The following TTC21A variants were observed in gnomAD, a reference collection of about 807,000 sequenced individuals.
TTC21A encodes the protein tetratricopeptide repeat domain 21A, also known as tetratricopeptide repeat protein 21A.
In TTC21A, 128 loss-of-function variants were observed where a neutral mutation model predicts 156.4. The observed-to-expected ratio is 0.82, with a 90% CI of 0.71 to 0.95. The LOEUF is 0.95. TTC21A is among the 40% of genes least tolerant of loss of function. The pLI, the probability that TTC21A is intolerant of heterozygous loss-of-function variation, is 0.00. For synonymous variants in TTC21A, 587 were observed against 617.1 expected (o/e 0.95, Z 0.72); for missense variants, 1,435 against 1,602.3 (o/e 0.90, Z 1.78).
Position 39,134,559 on chromosome 3 carries a change from G to T in TTC21A, c.2862+231G>T. On this transcript the variant is annotated intron_variant, in intron 21 of 28. Transcript: ENST00000683103. The surrounding 1 kb of genome is among the most constrained non-coding windows in gnomAD (Gnocchi z 4.6). Reference sequence around the variant, plus strand: ...CAATCTCCTGGGCCAGTCTAAGGTGGGGTGAGGTTGATTCACCCCAGGGGA... The same window carrying T: ...CAATCTCCTGGGCCAGTCTAAGGTGTGGTGAGGTTGATTCACCCCAGGGGA... 1.6e-6 allele frequency: 1 copy of T among 617,152 alleles called. No individual in the cohort carries two copies. Among genetic ancestry groups the T allele is most frequent in the Non-Finnish European group, 3.0e-6 (1 of 337,014 alleles). The allele number at this position is 617,152 out of a possible 1,614,324, so 38.2% of individuals were successfully genotyped here. A position where few individuals can be genotyped will look rare whatever the true frequency, so the allele number is the denominator to read the frequency against.
At chr3:39,138,466 C>T in intron 27 of TTC21A, 79 bp downstream of exon 27, 1 of 1,613,482 alleles carries the variant, frequency 6.2e-7, no homozygotes, top group Non-Finnish European at 8.5e-7. Context: ...GACCCCAGAA[C>T]TCAAGGCCTG....
At chr3:39,124,929 T>C (rs1200480218) in intron 9 of TTC21A, 134 bp from the exon 10 acceptor site, 2 of 672,384 alleles carry the variant, frequency 3.0e-6, no homozygotes, top group Non-Finnish European at 5.4e-6. Context: ...CTCTTTAAGT[T>C]TGTAGAAATG....
chr3:39,111,584 G>A (rs576172538), intron 4 of TTC21A, among the ~76,000 whole-genome samples: 4 of 152,258 alleles, frequency 2.6e-5, no homozygotes, highest in African/African-American at 9.6e-5. Flanking sequence ...CTCAGTCTAG[G>A]CCATGCCTTC....
chr3:39,132,096 AC>A (rs1575552257), intron 19 of TTC21A, among the ~76,000 whole-genome samples: 1 of 152,040 alleles, frequency 6.6e-6, no homozygotes, highest in Admixed American at 6.6e-5. Flanking sequence ...GAGTCTATAA[AC>A]CTGCACAGCA....
At chr3:39,126,862 A>G (rs2038309511) in intron 12 of TTC21A, among the ~76,000 whole-genome samples, 1 of 152,174 alleles carries the variant, frequency 6.6e-6, no homozygotes, top group Non-Finnish European at 1.5e-5. Flanking sequence ...AAATTCCCTC[A>G]TGGAGCTTGC....
chr3:39,133,302 C>T (rs2038876840), intron 20 of TTC21A, 62 bp downstream of exon 20: 1 of 1,533,654 alleles, frequency 6.5e-7, no homozygotes, highest in African/African-American at 1.4e-5. Flanking sequence ...TTGCTGAGCT[C>T]ACTGACCAGG....
At chr3:39,128,602 C>T in intron 13 of TTC21A, 114 bp downstream of exon 13, 1 of 1,560,870 alleles carries the variant, frequency 6.4e-7, no homozygotes, top group Non-Finnish European at 8.7e-7. Context: ...TTCTGCTCGT[C>T]CAAAGGCAGG....
At chr3:39,109,836 C>G (rs2036652670) in intron 2 of TTC21A, among the ~76,000 whole-genome samples, 193 bp from the exon 3 acceptor site, 1 of 152,216 alleles carries the variant, frequency 6.6e-6, no homozygotes, top group Non-Finnish European at 1.5e-5. Context: ...AGATTTCCAG[C>G]CCCTAACAGC....
In TTC21A at chr3:39,137,469, TCCTA is replaced by T; in HGVS notation, c.3451-13_3451-10del. 6.2e-7 allele frequency: 1 copy of T among 1,613,616 alleles called. No homozygotes were observed. The highest frequency in any genetic ancestry group is 8.5e-7 in the Non-Finnish European group (1 of 1,179,532). On this transcript the variant is annotated splice_polypyrimidine_tract_variant and intron_variant, in intron 25 of 28. Transcript: ENST00000683103. ...CGGCCAACACGTGCTGACGTCCACTTCCTACCTGGTGTGTAGAAGGACAGCGTCC... is the reference window on the plus strand; with the variant it reads ...CGGCCAACACGTGCTGACGTCCACTTCCTGGTGTGTAGAAGGACAGCGTCC...
chr3:39,123,503 C>G (rs2037946311), intron 9 of TTC21A, among the ~76,000 whole-genome samples: 2 of 152,034 alleles, frequency 1.3e-5, no homozygotes, highest in Admixed American at 6.5e-5. Context: ...AGTTGGATAC[C>G]CTGCTATCCA....
At chr3:39,111,170 G>T (rs756287486) in intron 4 of TTC21A, among the ~76,000 whole-genome samples, 153 bp downstream of exon 4, 1 of 152,206 alleles carries the variant, frequency 6.6e-6, no homozygotes, top group Non-Finnish European at 1.5e-5. Flanking sequence ...TGCCCCACGC[G>T]TGTTGTCTCT....
At chr3:39,112,697 T>C in intron 5 of TTC21A, 117 bp downstream of exon 5, 1 of 1,469,912 alleles carries the variant, frequency 6.8e-7, no homozygotes. Context: ...ATCTCGTAGA[T>C]AAAGAGCAGA....
Position 39,130,540 on chromosome 3 carries a change from A to T in TTC21A, c.2320-161A>T. ...TCTCTGCTGCTGACCACACCTGCTT[A>T]AGCTGAGGGTTACACCCTGTGCCAG... On this transcript the variant is annotated intron_variant, in intron 17 of 28. Coordinates refer to ENST00000683103, the MANE Select transcript of TTC21A (RefSeq NM_001366900.1). This position sits in a 1 kb window ranked among gnomAD's most constrained non-coding sequence, Gnocchi z 4.5. 9.7e-7 allele frequency: 1 copy of T among 1,032,526 alleles called. No homozygotes were observed. Among genetic ancestry groups the T allele is most frequent in the Non-Finnish European group, 1.4e-6 (1 of 698,868 alleles). The allele number at this position is 1,032,526 out of a possible 1,614,324, so 64.0% of individuals were successfully genotyped here.
intron 8 of TTC21A, among the ~76,000 whole-genome samples, chr3:39,120,758 AG>A (rs1396297678): frequency 6.6e-6 from 1 of 152,240 alleles, no homozygotes; most frequent in African/African-American, 2.4e-5. Context: ...GTGACCAGAC[AG>A]GGGATAGGTC....
intron 11 of TTC21A, 76 bp downstream of exon 11, chr3:39,125,608 A>G (rs2038161715): frequency 5.4e-6 from 6 of 1,115,338 alleles, no homozygotes; most frequent in Non-Finnish European, 8.2e-6. Flanking sequence ...GGACAGAGGC[A>G]AGGACCTTAC....
In TTC21A at chr3:39,107,830, G is replaced by C; in HGVS notation, c.-8G>C. ...CAGACCCGGACTCGGAGCCGCGAGC[G>C]GCCCGAGATGAGCAGCAATGACTCC... On this transcript the variant is annotated 5_prime_UTR_variant, in exon 1 of 29. Transcript: ENST00000683103. 6.2e-7 allele frequency: 1 copy of C among 1,612,726 alleles called. No homozygotes were observed. Among genetic ancestry groups the C allele is most frequent in the South Asian group, 1.1e-5 (1 of 91,076 alleles).
intron 10 of TTC21A, 50 bp from the exon 11 acceptor site, chr3:39,125,282 A>G: frequency 6.3e-7 from 1 of 1,596,952 alleles, no homozygotes; most frequent in Non-Finnish European, 8.6e-7. Context: ...TTGCCTACCA[A>G]ATCTGCCCAG....
Position 39,136,476 on chromosome 3 carries a change from G to T in TTC21A, c.3064G>T (p.Gly1022Trp), listed in dbSNP as rs1286170067. 2 of 1,614,266 alleles carry T rather than the reference G, an allele frequency of 1.2e-6. No individual in the cohort carries two copies. The highest frequency in any genetic ancestry group is 1.3e-5 in the African/African-American group (1 of 75,078). The part of the protein sequence containing the change: ...KVSSRVPLEP[G>W]FNYCRGIYCW... ...GTCTAGCCGGGTGCCTTTGGAACCA[G>T]GGTTCAATTACTGCAGAGGTATCTA... The change falls in exon 23 of 29, where the codon GGG (glycine) becomes TGG (tryptophan). Residue 1022 changes from glycine (G) to tryptophan (W), a missense_variant. Coordinates refer to ENST00000683103, the MANE Select transcript of TTC21A (RefSeq NM_001366900.1).
intron 6 of TTC21A, among the ~76,000 whole-genome samples, chr3:39,115,090 G>C (rs7647885): frequency 0.1 from 15,252 of 152,154 alleles, 1,491 homozygotes; most frequent in African/African-American, 0.25. Context: ...AATGAGACTA[G>C]AATATATTGC....
Sources: gnomAD v4.1 joint callset for allele counts (sites outside exome capture counted in the v4.1 genomes callset) on GRCh38, gnomAD v4.1.1 for gene constraint, Gnocchi (gnomAD v3.1) non-coding constraint, MANE v1.5 for transcripts, NCBI Gene and HGNC (gene_info 2026-07-23, HGNC 2026-07-21) for gene names.